RPTOR: variants seen among roughly 807,000 people sequenced by gnomAD.
RPTOR encodes the protein regulatory associated protein of MTOR complex 1, also known as regulatory-associated protein of mTOR.
RPTOR carries 21 observed loss-of-function variants against 169.9 expected under a neutral mutation model. The ratio of observed to expected loss-of-function variants is 0.12; its 90% CI spans 0.09 to 0.18. The LOEUF is 0.18. Ranked by LOEUF, RPTOR falls within the 10% of genes least tolerant of loss-of-function variation. The pLI, the probability that RPTOR is intolerant of heterozygous loss-of-function variation, is 1.00. For synonymous variants in RPTOR, 732 were observed against 753.2 expected (o/e 0.97, Z 0.46); for missense variants, 1,133 against 1,855.9 (o/e 0.61, Z 7.16).
At position 80,738,984 on chromosome 17, in the gene RPTOR, C is replaced by T. The variant is rs953267105; in HGVS notation, c.654+8278C>T. On this transcript the variant is annotated intron_variant, in intron 5 of 33. Coordinates refer to ENST00000306801, the MANE Select transcript of RPTOR (RefSeq NM_020761.3). ...TTCCCAAAAATTCTTAGAGTTTAAC[C>T]TTTTTTTTGTTTCTAATTTCATCTA... Among the ~76,000 whole-genome samples the T allele has an allele frequency of 2.1e-3, 315 of 151,932 alleles. 2 individuals carry two copies. The highest frequency in any genetic ancestry group is 7.5e-3 in the African/African-American group (311 of 41,428).
intron 5 of RPTOR, among the ~76,000 whole-genome samples, chr17:80,739,508 A>G (rs1598269331): frequency 6.6e-6 from 1 of 152,210 alleles, no homozygotes; most frequent in Non-Finnish European, 1.5e-5. Flanking sequence ...TACTCCCTCC[A>G]GCAGCAGCCA....
chr17:80,617,125 C>A (rs2065317901), intron 1 of RPTOR, among the ~76,000 whole-genome samples: 2 of 152,142 alleles, frequency 1.3e-5, no homozygotes, highest in Non-Finnish European at 2.9e-5. Context: ...ATGGAAAGTG[C>A]ATACACAGAA....
At chr17:80,627,448 A>G (rs554992057) in intron 2 of RPTOR, among the ~76,000 whole-genome samples, 1 of 152,372 alleles carries the variant, frequency 6.6e-6, no homozygotes, top group African/African-American at 2.4e-5. Context: ...ACACCAAGGA[A>G]GTTCCCTTGG....
At chr17:80,761,525 G>A (rs1306697235) in intron 6 of RPTOR, among the ~76,000 whole-genome samples, 3 of 152,178 alleles carry the variant, frequency 2.0e-5, no homozygotes, top group Non-Finnish European at 4.4e-5. Flanking sequence ...GAGGCTCAGC[G>A]TGGCTCTGTC....
At chr17:80,913,154 G>T (rs1204912479) in intron 21 of RPTOR, among the ~76,000 whole-genome samples, 1 of 152,134 alleles carries the variant, frequency 6.6e-6, no homozygotes, top group Non-Finnish European at 1.5e-5. Context: ...TCCTGCTCTA[G>T]GAACTGAAGG....
At chr17:80,863,210 C>T (rs72856099) in intron 13 of RPTOR, among the ~76,000 whole-genome samples, 6,868 of 152,190 alleles carry the variant, frequency 0.045, 214 homozygotes, top group Middle Eastern at 0.085. Flanking sequence ...CAGATGGTAC[C>T]GCACAGGACA....
chr17:80,565,984 C>T (rs945742491), intron 1 of RPTOR, among the ~76,000 whole-genome samples: 3 of 152,180 alleles, frequency 2.0e-5, no homozygotes, highest in African/African-American at 4.8e-5. Flanking sequence ...GTTTAAAGTC[C>T]CTCCTTATGT....
intron 7 of RPTOR, among the ~76,000 whole-genome samples, chr17:80,818,622 C>A (rs527579295): frequency 1.3e-5 from 2 of 152,200 alleles, no homozygotes; most frequent in African/African-American, 2.4e-5. Flanking sequence ...GATCAAGAAG[C>A]CTCATCAGCT....
chr17:80,574,769 G>C (rs4889861), intron 1 of RPTOR, among the ~76,000 whole-genome samples: 148,388 of 151,026 alleles, frequency 0.98, 72,913 homozygotes, highest in East Asian at 1. Flanking sequence ...GGTCTTCCCC[G>C]CTTAGCCTCC....
chr17:80,717,220 T>G (rs1172654707), intron 4 of RPTOR, among the ~76,000 whole-genome samples: 1 of 152,250 alleles, frequency 6.6e-6, no homozygotes, highest in African/African-American at 2.4e-5. Context: ...TTAGTCCTCC[T>G]GGTGTGGTCT....
At position 80,826,007 on chromosome 17, in the gene RPTOR, C is replaced by T. The variant is rs564081254; in HGVS notation, c.1136+2784C>T. ...GAGGGGTGGGCGGAGAGAAGTCAGGCTCACCTCCGCCGGCCCTGGGGAGCT... is the reference window on the plus strand; with the variant it reads ...GAGGGGTGGGCGGAGAGAAGTCAGGTTCACCTCCGCCGGCCCTGGGGAGCT... On this transcript the variant is annotated intron_variant, in intron 9 of 33. Coordinates refer to ENST00000306801, the MANE Select transcript of RPTOR (RefSeq NM_020761.3). Among the ~76,000 whole-genome samples the T allele has an allele frequency of 4.2e-3, 635 of 152,242 alleles. 7 individuals are homozygous for T. The highest frequency in any genetic ancestry group is 0.015 in the African/African-American group (608 of 41,544).
intron 5 of RPTOR, among the ~76,000 whole-genome samples, chr17:80,741,821 C>T (rs1047594533): frequency 3.9e-5 from 6 of 152,058 alleles, no homozygotes; most frequent in Non-Finnish European, 8.8e-5. Context: ...AGAGGCCAGT[C>T]GAGGCCTGCG....
chr17:80,656,417 A>G (rs1383289722), intron 3 of RPTOR, among the ~76,000 whole-genome samples: 1 of 152,208 alleles, frequency 6.6e-6, no homozygotes, highest in African/African-American at 2.4e-5. Context: ...ATCTAACTCC[A>G]GAATAAAATT....
chr17:80,687,760 C>A (rs898221513), intron 3 of RPTOR, among the ~76,000 whole-genome samples: 9 of 152,204 alleles, frequency 5.9e-5, no homozygotes, highest in African/African-American at 9.7e-5. Flanking sequence ...GCGTCCCTTC[C>A]CTGAGATGGA....
rs2066550183 is a variant in RPTOR at position 80,744,817 on chromosome 17, CTACTAGCACAGCCCTGGT to C, written c.655-9183_655-9166del. Among the ~76,000 whole-genome samples, 51 of 6,270 alleles carry C rather than the reference CTACTAGCACAGCCCTGGT, an allele frequency of 8.1e-3. 1 individual carries two copies. Among genetic ancestry groups the C allele is most frequent in the South Asian group, 0.034 (7 of 206 alleles). The allele number at this position is 6,270 out of a possible 152,430, so 4.1% of individuals were successfully genotyped here. On this transcript the variant is annotated intron_variant, in intron 5 of 33. Coordinates refer to ENST00000306801, the MANE Select transcript of RPTOR (RefSeq NM_020761.3). ...GCCCTGGCTACTAGCACTGTCCTGG[CTACTAGCACAGCCCTGGT>C]TACTAGCACTGTCCTGGCTACTAGC...
At chr17:80,772,569 T>A (rs1015268980) in intron 6 of RPTOR, among the ~76,000 whole-genome samples, 1 of 133,304 alleles carries the variant, frequency 7.5e-6, no homozygotes, top group African/African-American at 2.8e-5. Context: ...CCCGCCCTTG[T>A]CTGGTCTTCA....
At position 80,697,489 on chromosome 17, in the gene RPTOR, C is replaced by T. The variant is rs533914228; in HGVS notation, c.349-10352C>T. ...GCCTAGGCATTTGACTACCTCCCATCGGTATCAGAAGCACCTTGTGAGCCC... is the reference window on the plus strand; with the variant it reads ...GCCTAGGCATTTGACTACCTCCCATTGGTATCAGAAGCACCTTGTGAGCCC... On this transcript the variant is annotated intron_variant, in intron 3 of 33. Transcript: ENST00000306801. Among the ~76,000 whole-genome samples the T allele has an allele frequency of 5.3e-5, 8 of 152,322 alleles. No individual in the cohort carries two copies. In the East Asian group the frequency reaches 9.7e-4, roughly 18 times the overall value.
intron 21 of RPTOR, 124 bp from the exon 22 acceptor site, chr17:80,922,600 G>T: frequency 1.3e-6 from 1 of 768,844 alleles, no homozygotes. Context: ...TGGTGTTGGT[G>T]CTTCCTCGGC....
chr17:80,677,853 G>C (rs1457676644), intron 3 of RPTOR, among the ~76,000 whole-genome samples: 1 of 152,202 alleles, frequency 6.6e-6, no homozygotes, highest in Non-Finnish European at 1.5e-5. Flanking sequence ...TGTATGGTGT[G>C]TTGTTGCGAT....
Sources: allele counts gnomAD v4.1 joint callset (sites outside exome capture counted in the v4.1 genomes callset), GRCh38; gene constraint gnomAD v4.1.1; transcripts MANE v1.5; gene names NCBI Gene and HGNC (gene_info 2026-07-23, HGNC 2026-07-21).